Variants in GCKR observed in about 807,000 individuals in gnomAD.
GCKR encodes glucokinase regulator.
GCKR carries 73 observed loss-of-function variants against 82.9 expected under a neutral mutation model. The observed-to-expected ratio is 0.88, with a 90% CI of 0.73 to 1.07. The LOEUF (loss-of-function observed/expected upper bound fraction) is 1.07, where lower values mean the gene tolerates loss of function less well. Ranked by LOEUF, GCKR falls within the 50% of genes least tolerant of loss-of-function variation. The pLI, the probability that GCKR is intolerant of heterozygous loss-of-function variation, is 0.00. For missense variants in GCKR, 784 were observed against 782.1 expected, an observed-to-expected ratio of 1.00 and a Z score of -0.03; for synonymous variants, 294 against 291.8, an observed-to-expected ratio of 1.01 and a Z score of -0.08.
intron 12 of GCKR, 118 bp downstream of exon 12, chr2:27,507,003 A>G (rs1669764717): frequency 2.5e-6 from 2 of 800,070 alleles, no homozygotes. Context: ...CACCTTCCCT[A>G]TCTAAATAGG....
chr2:27,519,398 T>C (rs1355412349), intron 17 of GCKR, among the ~76,000 whole-genome samples: 1 of 151,508 alleles, frequency 6.6e-6, no homozygotes, highest in Admixed American at 6.6e-5. Context: ...GCCTCTGAGG[T>C]TCCATTGATT....
chr2:27,515,765 A>ATATATATATAT (rs1286679766), intron 16 of GCKR, among the ~76,000 whole-genome samples: 1 of 106,930 alleles, frequency 9.4e-6, no homozygotes, highest in African/African-American at 3.8e-5. Flanking sequence ...ATATATATAT[A>ATATATATATAT]TTTTTTTTTT....
Position 27,499,449 on chromosome 2 carries a change from CTG to C in GCKR, c.549+2_549+3del, listed in dbSNP as rs1558433722. On this transcript the variant is annotated splice_donor_variant and coding_sequence_variant, in exon 7 of 19. Transcript: ENST00000264717. LOFTEE classifies it high-confidence loss of function. ...GTCATTGGCATTTCTGTGGGACTCT[CTG>C]TGAGTAAAAAGATGGGTTGAGTGGA... is the stretch of plus-strand genomic sequence containing the variant. 1.2e-6 allele frequency: 2 copies of C among 1,605,012 alleles called. No individual in the cohort carries two copies. Among genetic ancestry groups the C allele is most frequent in the African/African-American group, 1.3e-5 (1 of 74,732 alleles).
chr2:27,509,481 A>G (rs941030966), intron 16 of GCKR: 14 of 425,896 alleles, frequency 3.3e-5, no homozygotes, highest in African/African-American at 2.4e-4. Flanking sequence ...GTAGGACCAC[A>G]GGCACTCACC....
Position 27,501,161 on chromosome 2 carries a change from C to T in GCKR, c.576C>T (p.Asp192=), listed in dbSNP as rs762666953. The change falls in exon 8 of 19, where the codon GAC becomes GAT. Residue 192 remains aspartate, a synonymous_variant. Coordinates refer to ENST00000264717, the MANE Select transcript of GCKR (RefSeq NM_001486.4). The part of the protein sequence containing the change: ...LSAPFVAGQM[D]CCMNNTAVFL... ...CTCCCTTTGTGGCAGGCCAGATGGACTGCTGCATGAACAACACAGCTGTCT... is the reference window on the plus strand; with the variant it reads ...CTCCCTTTGTGGCAGGCCAGATGGATTGCTGCATGAACAACACAGCTGTCT... 28 of 1,613,916 alleles carry T rather than the reference C, an allele frequency of 1.7e-5. No individual in the cohort carries two copies. Among genetic ancestry groups the T allele is most frequent in the Non-Finnish European group, 2.4e-5 (28 of 1,179,750 alleles).
At chr2:27,500,698 C>T (rs1392981588) in intron 7 of GCKR, among the ~76,000 whole-genome samples, 1 of 152,204 alleles carries the variant, frequency 6.6e-6, no homozygotes, top group Non-Finnish European at 1.5e-5. Flanking sequence ...CACTCTGGAC[C>T]TACTGAGCAT....
rs373070011 is a variant in GCKR at position 27,522,664 on chromosome 2, C to G, written c.1707+70C>G. On this transcript the variant is annotated intron_variant, in intron 18 of 18. Transcript: ENST00000264717. ...CTTTCAGTGTGTCAGGAAGTTTGTT[C>G]GGCACTGGGTTTACAAAGCTCAGTG... 5.2e-6 allele frequency: 7 copies of G among 1,337,710 alleles called. No individual in the cohort carries two copies. The East Asian group carries it at 1.6e-4, about 31-fold the overall frequency. The allele number at this position is 1,337,710 out of a possible 1,614,324, so 82.9% of individuals were successfully genotyped here. A position where few individuals can be genotyped will look rare whatever the true frequency, so the allele number is the denominator to read the frequency against.
chr2:27,511,931 T>G (rs1669892794), intron 16 of GCKR, among the ~76,000 whole-genome samples: 2 of 151,866 alleles, frequency 1.3e-5, no homozygotes, highest in Admixed American at 1.3e-4. Flanking sequence ...CTCTTTCTTT[T>G]CCCCTGAATT....
At chr2:27,515,653 T>G (rs1669983857) in intron 16 of GCKR, among the ~76,000 whole-genome samples, 1 of 151,814 alleles carries the variant, frequency 6.6e-6, no homozygotes, top group African/African-American at 2.4e-5. Flanking sequence ...TTTTAAACAC[T>G]TAGATCTTTA....
chr2:27,515,258 G>A (rs890328372), intron 16 of GCKR, among the ~76,000 whole-genome samples: 1 of 151,264 alleles, frequency 6.6e-6, no homozygotes, highest in Non-Finnish European at 1.5e-5. Context: ...TTACAGGCGT[G>A]AGCCACCACG....
intron 17 of GCKR, among the ~76,000 whole-genome samples, chr2:27,519,507 G>GGCCA (rs1670096284): frequency 6.6e-6 from 1 of 152,012 alleles, no homozygotes; most frequent in Non-Finnish European, 1.5e-5. Flanking sequence ...TTGCCATGTT[G>GGCCA]GCCAGGCTGG....
chr2:27,516,424 G>A (rs1462698766), intron 16 of GCKR, among the ~76,000 whole-genome samples: 2 of 150,792 alleles, frequency 1.3e-5, no homozygotes, highest in Non-Finnish European at 2.9e-5. Flanking sequence ...CCAAGTAGCT[G>A]GGATTACAGG....
intron 7 of GCKR, 61 bp downstream of exon 7, chr2:27,499,511 A>G (rs1669521226): frequency 9.0e-7 from 1 of 1,114,168 alleles, no homozygotes. Flanking sequence ...TGGGAATGGA[A>G]TAGCATGGAA....
In GCKR at chr2:27,505,795, A is replaced by G. The variant is rs780334421; in HGVS notation, c.828A>G (p.Ala276=). ...TTCTGCTGGAAACCCTGTTATTAGC[A>G]GCCCATAAGACTGTGGACCAGGGCA... is the stretch of plus-strand genomic sequence containing the variant. The part of the protein sequence containing the change: ...TKILLETLLL[A]AHKTVDQGIA... The change falls in exon 10 of 19, where the codon GCA becomes GCG. Residue 276 remains alanine (A), a synonymous_variant. Coordinates refer to ENST00000264717, the MANE Select transcript of GCKR (RefSeq NM_001486.4). 10 of 1,608,316 alleles carry G rather than the reference A, an allele frequency of 6.2e-6. No homozygotes were observed. The highest frequency in any genetic ancestry group is 8.5e-6 in the Non-Finnish European group (10 of 1,174,756).
At chr2:27,511,436 C>A (rs1669879213) in intron 16 of GCKR, among the ~76,000 whole-genome samples, 1 of 152,000 alleles carries the variant, frequency 6.6e-6, no homozygotes, top group Non-Finnish European at 1.5e-5. Context: ...GTGGCTCACG[C>A]CTGTAATCCC....
chr2:27,518,737 TG>T (rs1273437639), intron 16 of GCKR, 50 bp from the exon 17 acceptor site: 2 of 1,505,390 alleles, frequency 1.3e-6, no homozygotes, highest in African/African-American at 2.7e-5. Flanking sequence ...TTCACTCTGC[TG>T]CTTTTCTGTC....
intron 17 of GCKR, among the ~76,000 whole-genome samples, chr2:27,521,497 ATTT>A (rs373060500): frequency 1.8e-3 from 250 of 136,274 alleles, no homozygotes; most frequent in Middle Eastern, 7.3e-3. Context: ...CACCCAGCTA[ATTT>A]TTTTTTTTTT....
At chr2:27,518,631 C>A (rs1264655056) in intron 16 of GCKR, among the ~76,000 whole-genome samples, 157 bp from the exon 17 acceptor site, 1 of 152,130 alleles carries the variant, frequency 6.6e-6, no homozygotes, top group Non-Finnish European at 1.5e-5. Context: ...CATCTATTGC[C>A]CTAACATTTA....
chr2:27,505,403 CA>C (rs200176153), intron 9 of GCKR, among the ~76,000 whole-genome samples: 696 of 54,520 alleles, frequency 0.013, 3 homozygotes, highest in African/African-American at 0.021. Flanking sequence ...GACTCCATCT[CA>C]AAAAAAAAAA....
Sources: allele counts gnomAD v4.1 joint callset (sites outside exome capture counted in the v4.1 genomes callset), GRCh38; gene constraint gnomAD v4.1.1; transcripts MANE v1.5; gene names NCBI Gene and HGNC (gene_info 2026-07-23, HGNC 2026-07-21).